ARHGAP24: variants seen among roughly 807,000 people sequenced by gnomAD.
ARHGAP24 encodes rho GTPase-activating protein 24.
In ARHGAP24, 50 loss-of-function variants were observed where a neutral mutation model predicts 76.4. That is an observed-to-expected ratio of 0.65 (90% CI 0.52 to 0.83). The LOEUF (loss-of-function observed/expected upper bound fraction) is 0.83. Ranked by LOEUF, ARHGAP24 falls within the 40% of genes least tolerant of loss-of-function variation. The probability of loss-of-function intolerance (pLI) is 0.00; values close to 1 mark genes in which losing one functional copy is unlikely to be tolerated. For missense variants in ARHGAP24, 930 were observed against 914.2 expected (o/e 1.02, Z -0.22); for synonymous variants, 345 against 323.3 (o/e 1.07, Z -0.72).
intron 3 of ARHGAP24, among the ~76,000 whole-genome samples, chr4:85,792,541 G>A (rs1728176289): frequency 6.6e-6 from 1 of 151,580 alleles, no homozygotes; most frequent in African/African-American, 2.4e-5. Context: ...TCTTGCATTT[G>A]TCCTCATAGC....
intron 2 of ARHGAP24, among the ~76,000 whole-genome samples, chr4:85,584,619 C>T (rs757541465): frequency 9.9e-5 from 15 of 151,736 alleles, no homozygotes; most frequent in Non-Finnish European, 1.2e-4. Context: ...ATCTATATCC[C>T]AAGGCTAGCA....
intron 3 of ARHGAP24, among the ~76,000 whole-genome samples, chr4:85,739,248 C>T (rs966771416): frequency 2.0e-5 from 3 of 152,172 alleles, no homozygotes; most frequent in African/African-American, 7.2e-5. Flanking sequence ...TACCCAGAAC[C>T]CTTCTATGCA....
intron 3 of ARHGAP24, among the ~76,000 whole-genome samples, chr4:85,763,488 T>G (rs72656294): frequency 0.22 from 33,213 of 151,922 alleles, 3,837 homozygotes; most frequent in Admixed American, 0.29. Flanking sequence ...AGGCAAGGGA[T>G]AGGGTAGATG....
chr4:85,666,300 G>A (rs1372070362), intron 2 of ARHGAP24, among the ~76,000 whole-genome samples: 1 of 152,066 alleles, frequency 6.6e-6, no homozygotes, highest in African/African-American at 2.4e-5. Flanking sequence ...TCTTCCAGTT[G>A]ATCGCATCGG....
At chr4:85,973,928 C>G (rs1010965251) in intron 6 of ARHGAP24, among the ~76,000 whole-genome samples, 2 of 141,608 alleles carry the variant, frequency 1.4e-5, no homozygotes, top group African/African-American at 5.4e-5. Context: ...CTGCAAGCTC[C>G]GCCTCCAGGG....
intron 2 of ARHGAP24, among the ~76,000 whole-genome samples, chr4:85,653,035 T>C (rs1306454436): frequency 1.3e-5 from 2 of 152,186 alleles, no homozygotes; most frequent in Non-Finnish European, 2.9e-5. Context: ...TTAGTAAATG[T>C]ATGTTAATAA....
chr4:85,477,833 G>C (rs753844296), intron 1 of ARHGAP24, among the ~76,000 whole-genome samples: 3 of 152,220 alleles, frequency 2.0e-5, no homozygotes, highest in African/African-American at 7.2e-5. Context: ...CTACTGTACA[G>C]TTCAGGCCGT....
At chr4:85,904,850 T>C (rs1429961716) in intron 3 of ARHGAP24, among the ~76,000 whole-genome samples, 1 of 152,250 alleles carries the variant, frequency 6.6e-6, no homozygotes, top group Admixed American at 6.5e-5. Flanking sequence ...TCAGGCATTA[T>C]TAAATATCTG....
intron 3 of ARHGAP24, among the ~76,000 whole-genome samples, chr4:85,884,364 A>C (rs2148771747): frequency 6.6e-6 from 1 of 152,266 alleles, no homozygotes; most frequent in Non-Finnish European, 1.5e-5. Flanking sequence ...ACAGTAAACC[A>C]CTTCAAAGCC....
chr4:85,582,873 T>C (rs755515696), intron 2 of ARHGAP24, among the ~76,000 whole-genome samples: 48 of 152,162 alleles, frequency 3.2e-4, no homozygotes, highest in Non-Finnish European at 1.5e-4. Flanking sequence ...AAGCAATATT[T>C]GTTGTCTTTC....
At chr4:85,627,811 C>T (rs1312654789) in intron 2 of ARHGAP24, among the ~76,000 whole-genome samples, 1 of 152,214 alleles carries the variant, frequency 6.6e-6, no homozygotes, top group African/African-American at 2.4e-5. Context: ...TGCCGCCTTG[C>T]AGTTTGATCT....
intron 2 of ARHGAP24, among the ~76,000 whole-genome samples, chr4:85,620,839 G>A (rs1045514927): frequency 6.6e-6 from 1 of 151,890 alleles, no homozygotes; most frequent in African/African-American, 2.4e-5. Context: ...TGGGTGTATT[G>A]TATAATGCTA....
intron 3 of ARHGAP24, among the ~76,000 whole-genome samples, chr4:85,727,044 G>A (rs1027891667): frequency 9.2e-5 from 14 of 152,088 alleles, no homozygotes; most frequent in South Asian, 2.1e-4. Context: ...GAGAAACCCC[G>A]TTTCAATAGA....
intron 2 of ARHGAP24, among the ~76,000 whole-genome samples, chr4:85,640,932 A>T (rs76821521): frequency 0.024 from 3,686 of 152,286 alleles, 147 homozygotes; most frequent in African/African-American, 0.083. Flanking sequence ...TCAGGAATGC[A>T]GCACTCAAGC....
intron 2 of ARHGAP24, among the ~76,000 whole-genome samples, chr4:85,601,728 A>T (rs1005747115): frequency 1.3e-4 from 20 of 152,036 alleles, no homozygotes; most frequent in Non-Finnish European, 2.5e-4. Context: ...CAAATATTTT[A>T]AATTAATTAA....
At chr4:85,766,134 T>G (rs981432760) in intron 3 of ARHGAP24, among the ~76,000 whole-genome samples, 14 of 152,038 alleles carry the variant, frequency 9.2e-5, no homozygotes, top group Admixed American at 3.9e-4. Flanking sequence ...GGAGGAAAAG[T>G]CATCAAAATC....
chr4:85,680,051 C>T (rs995552083), intron 2 of ARHGAP24, among the ~76,000 whole-genome samples: 1 of 152,098 alleles, frequency 6.6e-6, no homozygotes, highest in Non-Finnish European at 1.5e-5. Context: ...CCTTTTAGAG[C>T]CAAAATGTAG....
intron 2 of ARHGAP24, among the ~76,000 whole-genome samples, chr4:85,586,782 C>A (rs2109976830): frequency 6.6e-6 from 1 of 152,140 alleles, no homozygotes; most frequent in South Asian, 2.1e-4. Flanking sequence ...CCTGTAGTCC[C>A]AGCTACTTGA....
chr4:85,629,919 T>C (rs1029532477), intron 2 of ARHGAP24, among the ~76,000 whole-genome samples: 6 of 152,164 alleles, frequency 3.9e-5, no homozygotes, highest in Non-Finnish European at 8.8e-5. Flanking sequence ...TTTATTTAAA[T>C]GAGATTTCTG....
Sources: allele counts gnomAD v4.1 joint callset (sites outside exome capture counted in the v4.1 genomes callset), GRCh38; gene constraint gnomAD v4.1.1; transcripts MANE v1.5; gene names NCBI Gene and HGNC (gene_info 2026-07-23, HGNC 2026-07-21).